PRKG1: variants seen among roughly 807,000 people sequenced by gnomAD.
The protein encoded by PRKG1 is protein kinase cGMP-dependent 1.
A neutral mutation model predicts 88.1 loss-of-function variants in PRKG1; 35 were observed. The ratio of observed to expected loss-of-function variants is 0.40; its 90% CI spans 0.30 to 0.53. PRKG1 has a LOEUF of 0.53. Ranked by LOEUF, PRKG1 falls within the 20% of genes least tolerant of loss-of-function variation. The probability of loss-of-function intolerance (pLI) is 0.59; values close to 1 mark genes in which losing one functional copy is unlikely to be tolerated. For synonymous variants in PRKG1, 303 were observed against 292.5 expected (o/e 1.04, Z -0.37); for missense variants, 540 against 839.8 (o/e 0.64, Z 4.41).
At chr10:51,006,607 A>C (rs186256195) in intron 1 of PRKG1, among the ~76,000 whole-genome samples, 2 of 152,342 alleles carry the variant, frequency 1.3e-5, no homozygotes, top group African/African-American at 4.8e-5. Context: ...TAATTTCCTG[A>C]ATCACAGATG....
intron 2 of PRKG1, among the ~76,000 whole-genome samples, chr10:51,438,147 C>A (rs1385735523): frequency 1.3e-5 from 2 of 151,064 alleles, no homozygotes; most frequent in African/African-American, 4.9e-5. Context: ...GCACTGGATG[C>A]AAATAATACT....
chr10:52,094,018 G>C (rs1847117153), intron 7 of PRKG1, among the ~76,000 whole-genome samples: 1 of 152,126 alleles, frequency 6.6e-6, no homozygotes, highest in African/African-American at 2.4e-5. Flanking sequence ...AAATTGGAGA[G>C]TTGTTATTTA....
chr10:51,894,151 A>C (rs1841785962), intron 4 of PRKG1, among the ~76,000 whole-genome samples: 8 of 152,188 alleles, frequency 5.3e-5, no homozygotes, highest in Admixed American at 5.2e-4. Flanking sequence ...AATAAGTTGG[A>C]ATAGGTTTGT....
intron 2 of PRKG1, among the ~76,000 whole-genome samples, chr10:51,382,106 C>G (rs1837121858): frequency 6.6e-6 from 1 of 151,758 alleles, no homozygotes; most frequent in East Asian, 1.9e-4. Flanking sequence ...TTTCAAACAT[C>G]ATTATTTGTT....
chr10:51,498,616 GGAAT>G (rs1840932681), intron 3 of PRKG1, among the ~76,000 whole-genome samples: 1 of 152,148 alleles, frequency 6.6e-6, no homozygotes, highest in Non-Finnish European at 1.5e-5. Context: ...GATGAGTGAA[GGAAT>G]GAATGAATAA....
rs189376805 is a variant in PRKG1, at chr10:51,762,763, C to T, written c.593-41822C>T. Among the ~76,000 whole-genome samples the T allele has an allele frequency of 3.7e-3, 558 of 152,304 alleles. 4 individuals carry two copies. The highest frequency in any genetic ancestry group is 9.7e-3 in the African/African-American group (403 of 41,562). ...ATCCTTGCTCTCTTTTAGTCTCCCC[C>T]TCAAAGAACATTTTTAATATCTGCC... On this transcript the variant is annotated intron_variant, in intron 3 of 17. Transcript: ENST00000373980.
intron 1 of PRKG1, among the ~76,000 whole-genome samples, chr10:51,148,628 C>T (rs1333426939): frequency 6.6e-6 from 1 of 152,038 alleles, no homozygotes; most frequent in African/African-American, 2.4e-5. Flanking sequence ...GGAGATAGTT[C>T]TTGAAATTGA....
At chr10:52,031,745 A>G (rs1320418702) in intron 5 of PRKG1, among the ~76,000 whole-genome samples, 1 of 152,206 alleles carries the variant, frequency 6.6e-6, no homozygotes, top group African/African-American at 2.4e-5. Context: ...AGATATATAA[A>G]TAATCTCTAA....
chr10:51,351,824 A>C (rs548112749), intron 2 of PRKG1, among the ~76,000 whole-genome samples: 1 of 152,132 alleles, frequency 6.6e-6, no homozygotes, highest in Non-Finnish European at 1.5e-5. Flanking sequence ...GCCCATGCCT[A>C]TGTCCTGAAT....
At chr10:51,268,103 G>A (rs1839884083) in intron 2 of PRKG1, among the ~76,000 whole-genome samples, 1 of 152,134 alleles carries the variant, frequency 6.6e-6, no homozygotes, top group African/African-American at 2.4e-5. Context: ...TGCCCCACAA[G>A]CCACAAAACC....
intron 10 of PRKG1, among the ~76,000 whole-genome samples, chr10:52,266,248 G>A (rs981045940): frequency 6.6e-6 from 1 of 151,520 alleles, no homozygotes; most frequent in African/African-American, 2.4e-5. Context: ...TACATGTGCA[G>A]GATGTGCATG....
intron 3 of PRKG1, among the ~76,000 whole-genome samples, chr10:51,483,572 A>G (rs1383130102): frequency 1.3e-5 from 2 of 152,126 alleles, no homozygotes; most frequent in Non-Finnish European, 2.9e-5. Flanking sequence ...TTTTTTCCAC[A>G]ATTCCACTTT....
chr10:51,694,383 A>G (rs979985367), intron 3 of PRKG1, among the ~76,000 whole-genome samples: 2 of 152,234 alleles, frequency 1.3e-5, no homozygotes, highest in Non-Finnish European at 2.9e-5. Context: ...ATGTTTTTCT[A>G]CCATTAAAAT....
intron 2 of PRKG1, among the ~76,000 whole-genome samples, chr10:51,177,347 T>C (rs1837221870): frequency 6.6e-6 from 1 of 152,214 alleles, no homozygotes; most frequent in African/African-American, 2.4e-5. Flanking sequence ...TTATGTAAGA[T>C]CTAAGTAACT....
chr10:51,188,293 C>A lies in PRKG1; in HGVS notation c.478+34963C>A, dbSNP rs184351017. ...TAAGGAGAATAGCACACGTGAGTAA[C>A]TTTAGAAATACATGAGGCTTTTCAT... On this transcript the variant is annotated intron_variant, in intron 2 of 17. Coordinates refer to ENST00000373980, the MANE Select transcript of PRKG1 (RefSeq NM_006258.4). Among the ~76,000 whole-genome samples the A allele has an allele frequency of 8.2e-4, 125 of 152,060 alleles. 1 individual carries two copies. The highest frequency in any genetic ancestry group is 2.8e-3 in the African/African-American group (118 of 41,526).
At chr10:51,076,771 A>T (rs1354856564) in intron 1 of PRKG1, among the ~76,000 whole-genome samples, 1 of 152,202 alleles carries the variant, frequency 6.6e-6, no homozygotes, top group East Asian at 1.9e-4. Context: ...AGTGGAAAAT[A>T]AAGCTGGTGT....
At chr10:51,278,908 C>T (rs1447839743) in intron 2 of PRKG1, among the ~76,000 whole-genome samples, 1 of 152,104 alleles carries the variant, frequency 6.6e-6, no homozygotes, top group Non-Finnish European at 1.5e-5. Flanking sequence ...AAACCAGCTC[C>T]TGGATTCATT....
At chr10:51,829,525 C>T (rs778113720) in intron 4 of PRKG1, among the ~76,000 whole-genome samples, 7 of 152,058 alleles carry the variant, frequency 4.6e-5, no homozygotes, top group Non-Finnish European at 1.0e-4. Flanking sequence ...GAATTTGATA[C>T]TAAGTAATAT....
intron 5 of PRKG1, among the ~76,000 whole-genome samples, chr10:52,026,832 G>C (rs756171930): frequency 6.6e-6 from 1 of 152,088 alleles, no homozygotes; most frequent in African/African-American, 2.4e-5. Flanking sequence ...AAAATTAGCT[G>C]GGCGTGGTGG....
Sources: gnomAD v4.1 joint callset for allele counts (sites outside exome capture counted in the v4.1 genomes callset) on GRCh38, gnomAD v4.1.1 for gene constraint, MANE v1.5 for transcripts, NCBI Gene and HGNC (gene_info 2026-07-23, HGNC 2026-07-21) for gene names.